Variants in SCO2 observed in about 807,000 individuals in gnomAD.
SCO2 encodes the protein cytochrome c oxidase assembly factor SCO2.
For synonymous variants in SCO2, 195 were observed against 148.6 expected (o/e 1.31, Z -2.27); for missense variants, 429 against 348.7 (o/e 1.23, Z -1.83).
intron 1 of SCO2, 72 bp from the exon 2 acceptor site, chr22:50,524,496 T>G: frequency 1.4e-6 from 2 of 1,406,986 alleles, no homozygotes; most frequent in Non-Finnish European, 2.0e-6. Flanking sequence ...CCCTGCGACT[T>G]GAGACCAGCC....
At position 50,524,161 on chromosome 22, in the gene SCO2, C is replaced by G. The variant is rs1228771031; in HGVS notation, c.251G>C (p.Arg84Thr). The change falls in exon 2 of 2, where the codon AGG (arginine) becomes ACG (threonine). Residue 84 changes from arginine (R) to threonine (T), a missense_variant. Arg to Thr is a moderately conservative substitution (Grantham distance 71). Coordinates refer to ENST00000395693, the MANE Select transcript of SCO2 (RefSeq NM_005138.3). ...TTCTGTTCGCTTTTGCTGCTGCAGC[C>G]TCTCCTTCTCAGCCCTCAGGGCCAG... Reference protein sequence around the residue: ...AWLALRAEKERLQQQKRTEAL... With the variant: ...AWLALRAEKETLQQQKRTEAL... 3 of 1,610,998 alleles carry G rather than the reference C, an allele frequency of 1.9e-6. No individual in the cohort carries two copies. The highest frequency in any genetic ancestry group is 2.5e-6 in the Non-Finnish European group (3 of 1,180,016).
At chr22:50,526,312 G>A (rs1322877019), upstream of SCO2, 2 of 1,560,276 alleles carry the variant, frequency 1.3e-6, no homozygotes, top group Non-Finnish European at 1.7e-6. Context: ...CGTTCTGCGG[G>A]ACTTCCCGAG....
In SCO2 at chr22:50,525,534, T is replaced by A; in HGVS notation, c.-76A>T. 1 of 619,496 alleles carries A rather than the reference T, an allele frequency of 1.6e-6. No individual in the cohort carries two copies. The highest frequency in any genetic ancestry group is 3.0e-5 in the Admixed American group (1 of 33,362). The allele number at this position is 619,496 out of a possible 1,614,324, so 38.4% of individuals were successfully genotyped here. On this transcript the variant is annotated 5_prime_UTR_variant, in exon 1 of 2. Transcript: ENST00000395693. ...GAGGAAGCGCCGACCTCCAGCTCCC[T>A]GCGCTCTGCCCCGCCGGCTCAGGGA...
At chr22:50,524,593 A>C in intron 1 of SCO2, 169 bp from the exon 2 acceptor site, 12 of 715,120 alleles carry the variant, frequency 1.7e-5, no homozygotes, top group East Asian at 2.8e-5. Context: ...TCCACCAAAC[A>C]TCCACACCTG....
rs942527395 is a variant in SCO2 at position 50,524,363 on chromosome 22, G to A, written c.49C>T (p.Leu17Phe). The part of the protein sequence containing the change: ...SPTAWHRLSQ[L>F]KPRVLPGTLG... ...GTCCCAGGGAGGACCCGAGGCTTGA[G>A]CTGAGAGAGCCTGTGCCAAGCTGTG... The change falls in exon 2 of 2, where the codon CTC becomes TTC. Residue 17 changes from leucine to phenylalanine, a missense_variant. Coordinates refer to ENST00000395693, the MANE Select transcript of SCO2 (RefSeq NM_005138.3). The A allele has an allele frequency of 2.5e-6, 4 of 1,602,294 alleles. No homozygotes were observed. The African/African-American group carries it at 5.3e-5, about 21-fold the overall frequency.
upstream of SCO2, chr22:50,525,691 C>T (rs1482874047): frequency 1.3e-6 from 2 of 1,556,196 alleles, no homozygotes; most frequent in South Asian, 2.3e-5. Context: ...ACGTGTTCAT[C>T]GAGACGGCCC....
At chr22:50,525,919 C>G, upstream of SCO2, 1 of 1,514,630 alleles carries the variant, frequency 6.6e-7, no homozygotes, top group Non-Finnish European at 8.8e-7. Flanking sequence ...CAGGGGGTCC[C>G]TGCAGAGCGA....
rs1445799677 is a variant in SCO2, at chr22:50,525,542, G to A, written c.-84C>T. ...GCCGACCTCCAGCTCCCTGCGCTCTGCCCCGCCGGCTCAGGGAAAGCGGGC... is the reference window on the plus strand; with the variant it reads ...GCCGACCTCCAGCTCCCTGCGCTCTACCCCGCCGGCTCAGGGAAAGCGGGC... On this transcript the variant is annotated 5_prime_UTR_variant, in exon 1 of 2. Transcript: ENST00000395693. 3 of 646,066 alleles carry A rather than the reference G, an allele frequency of 4.6e-6. No individual in the cohort carries two copies. Among genetic ancestry groups the A allele is most frequent in the East Asian group, 5.9e-5 (2 of 33,746 alleles). The allele number at this position is 646,066 out of a possible 1,614,324, so 40.0% of individuals were successfully genotyped here. A position where few individuals can be genotyped will look rare whatever the true frequency, so the allele number is the denominator to read the frequency against.
At chr22:50,525,749 A>G, upstream of SCO2, 1 of 1,608,618 alleles carries the variant, frequency 6.2e-7, no homozygotes, top group South Asian at 1.1e-5. Flanking sequence ...AGCACTGACA[A>G]GGTTTCGCGG....
Position 50,525,564 on chromosome 22 carries a change from G to C in SCO2, c.-106C>G, listed in dbSNP as rs1384743230. Reference sequence around the variant, plus strand: ...TCTGCCCCGCCGGCTCAGGGAAAGCGGGCGCCACACGCTCACAGGCAGGGC... The same window carrying C: ...TCTGCCCCGCCGGCTCAGGGAAAGCCGGCGCCACACGCTCACAGGCAGGGC... On this transcript the variant is annotated 5_prime_UTR_variant, in exon 1 of 2. Coordinates refer to ENST00000395693, the MANE Select transcript of SCO2 (RefSeq NM_005138.3). 8.3e-6 allele frequency: 6 copies of C among 720,336 alleles called. No homozygotes were observed. Among genetic ancestry groups the C allele is most frequent in the Non-Finnish European group, 1.1e-5 (5 of 445,194 alleles). The allele number at this position is 720,336 out of a possible 1,614,324, so 44.6% of individuals were successfully genotyped here.
At chr22:50,525,125 C>T (rs969020421) in intron 1 of SCO2, among the ~76,000 whole-genome samples, 1 of 152,210 alleles carries the variant, frequency 6.6e-6, no homozygotes, top group African/African-American at 2.4e-5. Flanking sequence ...TCTCAGGACT[C>T]CCGGTCACTG....
At chr22:50,526,265 C>T (rs772794309), upstream of SCO2, 5 of 1,538,522 alleles carry the variant, frequency 3.2e-6, no homozygotes, top group Non-Finnish European at 3.5e-6. Flanking sequence ...GCGCCAGCAG[C>T]TCCTCCTGCT....
Position 50,524,105 on chromosome 22 carries a change from C to T in SCO2, c.307G>A (p.Asp103Asn), listed in dbSNP as rs373202260. 5.6e-6 allele frequency: 9 copies of T among 1,612,932 alleles called. No individual in the cohort carries two copies. The highest frequency in any genetic ancestry group is 1.7e-4 in the Middle Eastern group (1 of 6,046). Residue 103 changes from aspartate to asparagine, a missense_variant, in exon 2 of 2, where the codon GAC becomes AAC. By Grantham distance (23) the Asp-to-Asn change is conservative. Transcript: ENST00000395693. Reference protein sequence around the residue: ...ALRQAAVGQGDFHLLDHRGRA... With the variant: ...ALRQAAVGQGNFHLLDHRGRA... ...CCTCTGTGATCCAGCAGGTGGAAGT[C>T]GCCCTGGCCCACAGCTGCCTGGCGC...
chr22:50,524,207 C>G lies in SCO2; in HGVS notation c.205G>C (p.Ala69Pro). ...TRLLITGLFG[A>P]GLGGAWLALR... Reference sequence around the variant, plus strand: ...GCCAGCCAGGCCCCACCGAGTCCAGCCCCGAACAGGCCTGTGATCAGCAGC... The same window carrying G: ...GCCAGCCAGGCCCCACCGAGTCCAGGCCCGAACAGGCCTGTGATCAGCAGC... The change falls in exon 2 of 2, where the codon GCT (alanine) becomes CCT (proline). Residue 69 changes from alanine to proline, a missense_variant. Ala to Pro is a conservative substitution (Grantham distance 27). Coordinates refer to ENST00000395693, the MANE Select transcript of SCO2 (RefSeq NM_005138.3). 2 of 1,608,434 alleles carry G rather than the reference C, an allele frequency of 1.2e-6. No homozygotes were observed. The highest frequency in any genetic ancestry group is 4.5e-5 in the East Asian group (2 of 44,876).
chr22:50,523,625 T>A lies in SCO2; in HGVS notation c.787A>T (p.Ser263Cys). Residue 263 changes from serine (S) to cysteine (C), a missense_variant, in exon 2 of 2, where the codon AGT (serine) becomes TGT (cysteine). Physicochemically the swap from Ser to Cys is moderately radical, Grantham distance 112 (BLOSUM62 -1). Coordinates refer to ENST00000395693, the MANE Select transcript of SCO2 (RefSeq NM_005138.3). ...ACTGCAGTGGCTCAAGACAGGACACTGCGGAAAGCCGCCATGTGCCGCCGC... is the reference window on the plus strand; with the variant it reads ...ACTGCAGTGGCTCAAGACAGGACACAGCGGAAAGCCGCCATGTGCCGCCGC... ...SVRRHMAAFRSVLS is the reference protein window; with the variant it reads ...SVRRHMAAFRCVLS 6.2e-7 allele frequency: 1 copy of A among 1,613,508 alleles called. No homozygotes were observed. Among genetic ancestry groups the A allele is most frequent in the Non-Finnish European group, 8.5e-7 (1 of 1,180,018 alleles).
upstream of SCO2, chr22:50,525,883 C>T (rs751544721): frequency 1.9e-6 from 3 of 1,579,818 alleles, no homozygotes; most frequent in East Asian, 2.3e-5. Context: ...CCGCTGAGCG[C>T]GGGGCCGTCC....
chr22:50,526,141 C>A, upstream of SCO2: 2 of 1,484,006 alleles, frequency 1.3e-6, no homozygotes, highest in East Asian at 2.8e-5. Context: ...CTCCACGGTG[C>A]CTGCGGGGAG....
chr22:50,526,284 C>A (rs750092332), upstream of SCO2: 2 of 1,547,580 alleles, frequency 1.3e-6, no homozygotes, highest in Non-Finnish European at 8.6e-7. Flanking sequence ...CTCCCGGGCG[C>A]GAGGCAGCAG....
At position 50,524,789 on chromosome 22, in the gene SCO2, ACT is replaced by A. The variant is rs66945635; in HGVS notation, c.-13-367_-13-366del. 2,466 of 404,530 alleles carry A rather than the reference ACT, an allele frequency of 6.1e-3. 50 individuals are homozygous for A. The highest frequency in any genetic ancestry group is 0.044 in the African/African-American group (2,139 of 48,706). 25.1% of individuals were successfully genotyped at this position (404,530 alleles called of 1,614,324 possible). ...CCCATTTCTTAAAAGGAGGTGGGTA[ACT>A]CTCTGGCTTGCAATCCCCGAGAGCA... On this transcript the variant is annotated intron_variant, in intron 1 of 1. Transcript: ENST00000395693.
Sources: allele counts gnomAD v4.1 joint callset (sites outside exome capture counted in the v4.1 genomes callset), GRCh38; gene constraint gnomAD v4.1.1; transcripts MANE v1.5; gene names NCBI Gene and HGNC (gene_info 2026-07-23, HGNC 2026-07-21).